TENM3: variants seen among roughly 807,000 people sequenced by gnomAD.
The protein encoded by TENM3 is teneurin transmembrane protein 3.
A neutral mutation model predicts 255.1 loss-of-function variants in TENM3; 63 were observed. The observed-to-expected ratio is 0.25, with a 90% confidence interval of 0.20 to 0.30. The LOEUF (loss-of-function observed/expected upper bound fraction) is 0.30, where lower values mean the gene tolerates loss of function less well. TENM3 is among the 10% of genes least tolerant of loss of function. TENM3 has a pLI of 1.00. For missense variants in TENM3, 2,929 were observed against 3,461.1 expected (o/e 0.85, Z 3.86); for synonymous variants, 1,306 against 1,322.3 (o/e 0.99, Z 0.27).
chr4:182,295,633 A>T (rs114472315), intron 1 of TENM3, among the ~76,000 whole-genome samples: 2,788 of 152,270 alleles, frequency 0.018, 86 homozygotes, highest in African/African-American at 0.064. Flanking sequence ...ACAAATGTTA[A>T]TACTGTAAAG....
At chr4:182,720,628 T>C (rs1759641616) in intron 13 of TENM3, among the ~76,000 whole-genome samples, 1 of 152,174 alleles carries the variant, frequency 6.6e-6, no homozygotes, top group African/African-American at 2.4e-5. Flanking sequence ...AACATCCAGC[T>C]TGTGCCCTAT....
At chr4:181,537,786 C>A in the TENM3 span, among the ~76,000 whole-genome samples, 1 of 152,182 alleles carries the variant, frequency 6.6e-6, no homozygotes, top group Non-Finnish European at 1.5e-5. Flanking sequence ...CACAGCCTCC[C>A]TAGTTAAGGT....
chr4:181,780,897 G>A, the TENM3 span, among the ~76,000 whole-genome samples: 2 of 152,240 alleles, frequency 1.3e-5, no homozygotes, highest in Non-Finnish European at 2.9e-5. Flanking sequence ...CCCATTGCTT[G>A]TTTTTCTCAG....
intron 1 of TENM3, among the ~76,000 whole-genome samples, chr4:182,317,458 C>T (rs1446741728): frequency 6.7e-6 from 1 of 148,846 alleles, no homozygotes; most frequent in Non-Finnish European, 1.5e-5. Flanking sequence ...TGCCACTGTG[C>T]CTGTTTTTTT....
chr4:181,522,683 A>G, the TENM3 span: 2 of 653,520 alleles, frequency 3.1e-6, no homozygotes, highest in Non-Finnish European at 5.9e-6. Context: ...ATGTGGACAT[A>G]GCTGATGTGG....
the TENM3 span, among the ~76,000 whole-genome samples, chr4:181,553,610 T>G: frequency 5.9e-5 from 9 of 151,436 alleles, no homozygotes; most frequent in Non-Finnish European, 1.3e-4. Context: ...CCCGGCTAAT[T>G]TTTTGTATTT....
chr4:181,819,179 C>A, the TENM3 span, among the ~76,000 whole-genome samples: 1 of 152,206 alleles, frequency 6.6e-6, no homozygotes, highest in Admixed American at 6.5e-5. Context: ...TGTGGGATTG[C>A]CTTCTGGTGC....
intron 3 of TENM3, among the ~76,000 whole-genome samples, chr4:182,529,068 A>C (rs1439197442): frequency 6.6e-6 from 1 of 152,142 alleles, no homozygotes; most frequent in Admixed American, 6.5e-5. Flanking sequence ...CTTGCGACAA[A>C]CTCACTTTGG....
chr4:182,175,916 C>G (rs71636176), intron 1 of TENM3, among the ~76,000 whole-genome samples: 41,960 of 146,368 alleles, frequency 0.29, 7,353 homozygotes, highest in Non-Finnish European at 0.4. Context: ...ACCCCCGCCC[C>G]CCACCCTGCC....
At chr4:182,192,494 G>T (rs2149792203) in intron 1 of TENM3, among the ~76,000 whole-genome samples, 1 of 152,262 alleles carries the variant, frequency 6.6e-6, no homozygotes, top group Non-Finnish European at 1.5e-5. Context: ...CAGGACTACT[G>T]AAATTTGTGC....
the TENM3 span, among the ~76,000 whole-genome samples, chr4:181,882,469 A>G: frequency 5.2e-4 from 79 of 152,328 alleles, 2 homozygotes; most frequent in African/African-American, 1.9e-3. Context: ...ACAGTCTGCC[A>G]CATAGGCCCA....
intron 3 of TENM3, among the ~76,000 whole-genome samples, chr4:182,432,571 C>T (rs1771739107): frequency 6.6e-6 from 1 of 152,058 alleles, no homozygotes. Flanking sequence ...AAGTGATGAC[C>T]AACCTTGAGG....
chr4:181,810,514 G>A, the TENM3 span, among the ~76,000 whole-genome samples: 3 of 151,852 alleles, frequency 2.0e-5, no homozygotes. Context: ...TGCTGTAATA[G>A]GTTTAGAATC....
intron 4 of TENM3, among the ~76,000 whole-genome samples, chr4:182,622,877 A>T (rs759498343): frequency 6.6e-6 from 1 of 152,218 alleles, no homozygotes; most frequent in African/African-American, 2.4e-5. Context: ...TTACATTCTA[A>T]TGGGAGAAGA....
chr4:182,261,030 C>T (rs1758751392), intron 1 of TENM3, among the ~76,000 whole-genome samples: 1 of 152,112 alleles, frequency 6.6e-6, no homozygotes, highest in Non-Finnish European at 1.5e-5. Context: ...TGCGCACCAG[C>T]ACGCCCAGCT....
intron 2 of TENM3, among the ~76,000 whole-genome samples, chr4:182,340,526 T>G (rs1344803236): frequency 2.0e-5 from 3 of 152,210 alleles, no homozygotes; most frequent in African/African-American, 7.2e-5. Flanking sequence ...TGTAGGGCCT[T>G]ATGAATAAAG....
chr4:181,695,215 C>T, the TENM3 span, among the ~76,000 whole-genome samples: 1 of 152,076 alleles, frequency 6.6e-6, no homozygotes, highest in African/African-American at 2.4e-5. Flanking sequence ...AATCTGACCC[C>T]AGAAATGTCT....
chr4:182,104,241 T>C, the TENM3 span, among the ~76,000 whole-genome samples: 2 of 152,138 alleles, frequency 1.3e-5, no homozygotes, highest in African/African-American at 4.8e-5. Flanking sequence ...TGAATCAAAA[T>C]TCTCTGATCC....
intron 3 of TENM3, among the ~76,000 whole-genome samples, chr4:182,552,088 C>T (rs1271508867): frequency 6.6e-6 from 1 of 151,602 alleles, no homozygotes; most frequent in Non-Finnish European, 1.5e-5. Flanking sequence ...TGTTCATCAG[C>T]TTGGGGCCTG....
Sources: gnomAD v4.1 joint callset for allele counts (sites outside exome capture counted in the v4.1 genomes callset) on GRCh38, gnomAD v4.1.1 for gene constraint, MANE v1.5 for transcripts, NCBI Gene and HGNC (gene_info 2026-07-23, HGNC 2026-07-21) for gene names.